RYR2: variants seen among roughly 807,000 people sequenced by gnomAD.
RYR2 encodes cardiac muscle ryanodine receptor-calcium release channel.
Under a neutral mutation model 601.1 loss-of-function variants are expected in RYR2, and 227 were observed. The observed-to-expected ratio is 0.38, with a 90% confidence interval of 0.34 to 0.42. The LOEUF is 0.42. Among genes scored for constraint, RYR2 ranks in the 10% least tolerant of loss-of-function variants. The pLI is 1.00. For synonymous variants in RYR2, 2,223 were observed against 2,175.1 expected (o/e 1.02, Z -0.61); for missense variants, 4,646 against 6,156.5 (o/e 0.75, Z 8.21).
intron 1 of RYR2, among the ~76,000 whole-genome samples, chr1:237,204,847 G>T (rs1204878738): frequency 6.6e-6 from 1 of 152,250 alleles, no homozygotes; most frequent in Non-Finnish European, 1.5e-5. Context: ...CTGTAGGGAT[G>T]TGGTGATGGA....
chr1:237,496,668 C>T lies in RYR2; in HGVS notation c.2119C>T (p.Pro707Ser), dbSNP rs1328620651. ...WASTEGYSPY[P>S]GGGEEWGGNG... is the part of the protein sequence containing the mutation. ...TTCCACTGAAGGATATTCTCCCTAC[C>T]CTGGAGGGGGCGAAGAGTGGGGTGG... Residue 707 changes from proline (P) to serine (S), a missense_variant, in exon 20 of 105, where the codon CCT becomes TCT. By Grantham distance (74) the Pro-to-Ser change is moderately conservative. Transcript: ENST00000366574. 1.2e-6 allele frequency: 2 copies of T among 1,613,918 alleles called. No homozygotes were observed. Among genetic ancestry groups the T allele is most frequent in the Non-Finnish European group, 1.7e-6 (2 of 1,179,870 alleles).
At chr1:237,567,785 GAATA>G (rs1416228935) in intron 28 of RYR2, among the ~76,000 whole-genome samples, 2 of 151,586 alleles carry the variant, frequency 1.3e-5, no homozygotes, top group Non-Finnish European at 2.9e-5. Context: ...AATAAAATTA[GAATA>G]AATAAGCAAT....
chr1:237,416,508 G>C (rs1228893322), intron 10 of RYR2, among the ~76,000 whole-genome samples: 2 of 152,034 alleles, frequency 1.3e-5, no homozygotes, highest in African/African-American at 4.8e-5. Flanking sequence ...TGACTTTTTG[G>C]ATATTCATAT....
chr1:237,459,045 C>A (rs1010715755), intron 16 of RYR2, among the ~76,000 whole-genome samples: 1 of 152,148 alleles, frequency 6.6e-6, no homozygotes, highest in African/African-American at 2.4e-5. Flanking sequence ...ATCATTTTAC[C>A]CACAGTAACG....
intron 8 of RYR2, among the ~76,000 whole-genome samples, chr1:237,385,469 A>G (rs552069327): frequency 6.6e-6 from 1 of 152,284 alleles, no homozygotes; most frequent in Non-Finnish European, 1.5e-5. Flanking sequence ...ATTTTACTCT[A>G]TGAGATTACA....
At chr1:237,222,389 G>A (rs1210405549) in intron 1 of RYR2, among the ~76,000 whole-genome samples, 2 of 150,000 alleles carry the variant, frequency 1.3e-5, no homozygotes, top group Admixed American at 6.7e-5. Flanking sequence ...CTCCAGCCTG[G>A]GCCACAGATT....
intron 1 of RYR2, among the ~76,000 whole-genome samples, chr1:237,261,796 G>T (rs1053146772): frequency 5.3e-5 from 8 of 152,096 alleles, no homozygotes; most frequent in African/African-American, 1.9e-4. Context: ...CCCCCTCAAT[G>T]AGGCCCTGGC....
At position 237,398,905 on chromosome 1, in the gene RYR2, A is replaced by G. The variant is rs188992509; in HGVS notation, c.773+10722A>G. 9.8e-5 allele frequency among the ~76,000 whole-genome samples: 15 copies of G among 152,304 alleles called. No homozygotes were observed. In the East Asian group the frequency reaches 2.9e-3, roughly 29 times the overall value. On this transcript the variant is annotated intron_variant, in intron 10 of 104. Transcript: ENST00000366574. ...ATGGAATGGTCTATTGAAACGCACA[A>G]CCACCTGGCTGTACATGGTGGTTCA...
intron 98 of RYR2, among the ~76,000 whole-genome samples, chr1:237,805,571 ACT>A (rs1491187452): frequency 9.7e-6 from 1 of 103,348 alleles, no homozygotes; most frequent in Non-Finnish European, 1.8e-5. Flanking sequence ...ACAGAGCTAG[ACT>A]CTGTCTCAAA....
chr1:237,692,354 T>C (rs1285747496), intron 63 of RYR2, among the ~76,000 whole-genome samples: 1 of 152,170 alleles, frequency 6.6e-6, no homozygotes, highest in African/African-American at 2.4e-5. Context: ...TACTGACCAT[T>C]CTCTCTGAAT....
intron 29 of RYR2, among the ~76,000 whole-genome samples, chr1:237,579,534 C>A (rs560012332): frequency 6.6e-6 from 1 of 152,024 alleles, no homozygotes; most frequent in Non-Finnish European, 1.5e-5. Context: ...GGATTACAGG[C>A]GTGAGCTGCT....
chr1:237,324,379 C>T (rs559265251), intron 2 of RYR2, among the ~76,000 whole-genome samples: 78 of 152,276 alleles, frequency 5.1e-4, no homozygotes, highest in South Asian at 1.2e-3. Context: ...GAAGTCGACA[C>T]TCAACAGTTA....
intron 14 of RYR2, 85 bp downstream of exon 14, chr1:237,445,607 G>A: frequency 1.3e-6 from 2 of 1,520,158 alleles, no homozygotes; most frequent in African/African-American, 1.4e-5. Context: ...TTAAAAGTAT[G>A]CTATGATGGT....
In RYR2 at chr1:237,469,595, A is replaced by G. The variant is rs144588768; in HGVS notation, c.1708+408A>G. On this transcript the variant is annotated intron_variant, in intron 17 of 104. Coordinates refer to ENST00000366574, the MANE Select transcript of RYR2 (RefSeq NM_001035.3). The stretch of plus-strand genomic sequence containing the variant: ...CATTTATATCTTAAAAAACCTATTT[A>G]TAAAGCCCTGAAAACCACTAAAGAG... Among the ~76,000 whole-genome samples, 201 of 152,294 alleles carry G rather than the reference A, an allele frequency of 1.3e-3. 1 individual carries two copies. In the East Asian group the frequency reaches 0.014, roughly 11 times the overall value.
intron 1 of RYR2, among the ~76,000 whole-genome samples, chr1:237,237,580 T>C (rs2149216552): frequency 6.6e-6 from 1 of 152,254 alleles, no homozygotes; most frequent in East Asian, 1.9e-4. Context: ...GATACCAAAT[T>C]CAGACCTGAC....
At chr1:237,799,303 T>G (rs1659667492) in intron 97 of RYR2, among the ~76,000 whole-genome samples, 1 of 152,154 alleles carries the variant, frequency 6.6e-6, no homozygotes, top group African/African-American at 2.4e-5. Context: ...AGAACTAGGG[T>G]GTGAGGCTGA....
intron 1 of RYR2, among the ~76,000 whole-genome samples, chr1:237,072,690 T>C (rs1329856583): frequency 6.6e-6 from 1 of 152,196 alleles, no homozygotes; most frequent in Non-Finnish European, 1.5e-5. Flanking sequence ...TACTCGCCTG[T>C]AATCCCAGCA....
intron 79 of RYR2, among the ~76,000 whole-genome samples, chr1:237,741,246 AC>A (rs1691579890): frequency 6.6e-6 from 1 of 152,124 alleles, no homozygotes; most frequent in Admixed American, 6.5e-5. Context: ...AATATGACAA[AC>A]CTTTTAGAAT....
intron 1 of RYR2, among the ~76,000 whole-genome samples, chr1:237,093,480 GGA>G (rs1401276560): frequency 6.6e-6 from 1 of 152,224 alleles, no homozygotes; most frequent in Non-Finnish European, 1.5e-5. Flanking sequence ...AACAGTGACA[GGA>G]GCAGGAGCCC....
Sources: gnomAD v4.1 joint callset for allele counts (sites outside exome capture counted in the v4.1 genomes callset) on GRCh38, gnomAD v4.1.1 for gene constraint, MANE v1.5 for transcripts, NCBI Gene and HGNC (gene_info 2026-07-23, HGNC 2026-07-21) for gene names.